WASF3: variants seen among roughly 807,000 people sequenced by gnomAD.
The protein encoded by WASF3 is WASP family member 3, also known as actin-binding protein WASF3.
In WASF3, 11 loss-of-function variants were observed where a neutral mutation model predicts 46.6. The observed-to-expected ratio is 0.24, with a 90% CI of 0.15 to 0.39. The LOEUF is 0.39. Among genes scored for constraint, WASF3 ranks in the 10% least tolerant of loss-of-function variants. WASF3 has a pLI of 1.00. For missense variants in WASF3, 576 were observed against 669.8 expected, an observed-to-expected ratio of 0.86 and a Z score of 1.55; for synonymous variants, 242 against 259.7, an observed-to-expected ratio of 0.93 and a Z score of 0.65.
At chr13:26,632,226 G>A (rs1249644435) in intron 2 of WASF3, among the ~76,000 whole-genome samples, 1 of 152,230 alleles carries the variant, frequency 6.6e-6, no homozygotes, top group East Asian at 1.9e-4. Flanking sequence ...AGCATGGTGA[G>A]AGAGGGCATC....
rs138554713 is a variant in WASF3 at position 26,682,666 on chromosome 13, C to A, written c.1043C>A (p.Pro348His). 6.2e-7 allele frequency: 1 copy of A among 1,614,162 alleles called. No individual in the cohort carries two copies. The highest frequency in any genetic ancestry group is 1.1e-5 in the South Asian group (1 of 91,082). ...YNPSGPPPPP[P>H]PPVIPSAQTA... is the part of the protein sequence containing the mutation. ...CCATCCGGACCACCTCCTCCGCCAC[C>A]TCCTCCTGTGATTCCCTCAGCACAA... The change falls in exon 9 of 10, where the codon CCT (proline) becomes CAT (histidine). Residue 348 changes from proline to histidine, a missense_variant. By Grantham distance (77) the Pro-to-His change is moderately conservative (BLOSUM62 -2). This residue lies in a region of WASF3 where 295 missense variants were observed against 291.5 expected (regional missense o/e 1.01). Coordinates refer to ENST00000335327, the MANE Select transcript of WASF3 (RefSeq NM_006646.6). This position sits in a 1 kb window ranked among gnomAD's most constrained non-coding sequence, Gnocchi z 4.4.
intron 1 of WASF3, among the ~76,000 whole-genome samples, chr13:26,568,718 T>C (rs1027892302): frequency 4.6e-5 from 7 of 152,174 alleles, no homozygotes; most frequent in African/African-American, 7.2e-5. Flanking sequence ...CCACAGGAAC[T>C]GAAGGGTGAA....
chr13:26,682,588 T>C lies in WASF3; in HGVS notation c.984-19T>C, dbSNP rs764417925. 6.2e-7 allele frequency: 1 copy of C among 1,613,996 alleles called. No individual in the cohort carries two copies. The highest frequency in any genetic ancestry group is 1.1e-5 in the South Asian group (1 of 91,058). On this transcript the variant is annotated intron_variant, in intron 8 of 9. Coordinates refer to ENST00000335327, the MANE Select transcript of WASF3 (RefSeq NM_006646.6). This position sits in a 1 kb window ranked among gnomAD's most constrained non-coding sequence, Gnocchi z 4.4. ...CTCTCTTGTTCCCTTGGTGACTATG[T>C]GCCTCATATCTCTCTCAGGATGCTC...
intron 3 of WASF3, among the ~76,000 whole-genome samples, chr13:26,653,613 C>T (rs780387648): frequency 3.3e-4 from 50 of 152,160 alleles, no homozygotes; most frequent in African/African-American, 5.5e-4. Context: ...CACAGTGGTC[C>T]GCCACCTCAC....
At chr13:26,683,996 C>G (rs1319336955) in intron 9 of WASF3, among the ~76,000 whole-genome samples, 3 of 152,178 alleles carry the variant, frequency 2.0e-5, no homozygotes, top group Non-Finnish European at 4.4e-5. Flanking sequence ...GTCATCTCAT[C>G]TGGAAGTGAC....
chr13:26,645,656 G>A (rs563529612), intron 3 of WASF3, among the ~76,000 whole-genome samples: 2 of 151,890 alleles, frequency 1.3e-5, no homozygotes, highest in South Asian at 2.1e-4. Context: ...TTTTACACAC[G>A]TTGTCTGGCA....
chr13:26,661,107 G>A (rs1007416238), intron 3 of WASF3, among the ~76,000 whole-genome samples: 5 of 152,188 alleles, frequency 3.3e-5, no homozygotes, highest in African/African-American at 1.2e-4. Flanking sequence ...ATTCTATCAT[G>A]TCCCACCTCC....
intron 3 of WASF3, among the ~76,000 whole-genome samples, chr13:26,654,633 T>A (rs946553509): frequency 1.3e-5 from 2 of 152,254 alleles, no homozygotes; most frequent in African/African-American, 4.8e-5. Flanking sequence ...TCTAAGTTCT[T>A]AAAATGCTTA....
intron 9 of WASF3, among the ~76,000 whole-genome samples, chr13:26,683,959 G>C (rs7328406): frequency 0.048 from 7,249 of 152,264 alleles, 420 homozygotes; most frequent in African/African-American, 0.14. Flanking sequence ...CGCCTGTGGG[G>C]AGCTGCACAG....
At chr13:26,586,374 A>G (rs942425412) in intron 1 of WASF3, among the ~76,000 whole-genome samples, 2 of 152,170 alleles carry the variant, frequency 1.3e-5, no homozygotes, top group Admixed American at 6.5e-5. Flanking sequence ...TCCAGTTGTT[A>G]TAATAGCATT....
At chr13:26,606,155 A>G (rs1880789181) in intron 1 of WASF3, among the ~76,000 whole-genome samples, 1 of 152,078 alleles carries the variant, frequency 6.6e-6, no homozygotes, top group Non-Finnish European at 1.5e-5. Context: ...TTTAATTCTC[A>G]CAGTCTAATT....
Position 26,681,086 on chromosome 13 carries a change from AC to A in WASF3, c.752del (p.Pro251ArgfsTer13). On this transcript the variant is annotated frameshift_variant, in exon 8 of 10. Transcript: ENST00000335327. LOFTEE classifies it high-confidence loss of function. ...SHASDVTDYSYPATPNHSLHP... is the reference protein window; with the variant it reads ...SHASDVTDYSXPATPNHSLHP... ...GCATCGGACGTTACGGATTACTCTT[AC>A]CCGGCTACTCCCAACCATTCTCTGC... The A allele has an allele frequency of 6.2e-7, 1 of 1,613,980 alleles. No individual in the cohort carries two copies. Among genetic ancestry groups the A allele is most frequent in the Non-Finnish European group, 8.5e-7 (1 of 1,179,966 alleles).
intron 5 of WASF3, among the ~76,000 whole-genome samples, chr13:26,671,079 A>C (rs938220525): frequency 6.6e-5 from 10 of 152,210 alleles, no homozygotes; most frequent in African/African-American, 2.2e-4. Flanking sequence ...CTCCTTTTGA[A>C]GGTAGTCTTC....
intron 1 of WASF3, among the ~76,000 whole-genome samples, chr13:26,565,648 T>A (rs73484931): frequency 0.036 from 5,433 of 152,224 alleles, 340 homozygotes; most frequent in African/African-American, 0.12. Flanking sequence ...AACACCTGTC[T>A]TGAGATTTTA....
At chr13:26,676,255 T>A (rs1883065435) in intron 6 of WASF3, among the ~76,000 whole-genome samples, 1 of 152,214 alleles carries the variant, frequency 6.6e-6, no homozygotes, top group South Asian at 2.1e-4. Context: ...CTTGTTTAGG[T>A]TTAAAACAAG....
intron 1 of WASF3, among the ~76,000 whole-genome samples, chr13:26,608,029 G>A (rs1880854401): frequency 6.6e-6 from 1 of 151,748 alleles, no homozygotes; most frequent in African/African-American, 2.4e-5. Context: ...CCGAAATAAT[G>A]TACCCCTCCC....
intron 1 of WASF3, among the ~76,000 whole-genome samples, chr13:26,565,370 CA>C (rs1555246852): frequency 6.6e-6 from 1 of 151,984 alleles, no homozygotes; most frequent in Non-Finnish European, 1.5e-5. Context: ...GGCTGTTGCA[CA>C]GCTTAGAATG....
intron 2 of WASF3, among the ~76,000 whole-genome samples, chr13:26,618,438 C>A (rs957307865): frequency 2.6e-5 from 4 of 152,026 alleles, no homozygotes; most frequent in African/African-American, 9.7e-5. Flanking sequence ...TGAGACATTT[C>A]CTTCTCTGAC....
chr13:26,618,506 C>A (rs1881209903), intron 2 of WASF3, among the ~76,000 whole-genome samples: 1 of 147,852 alleles, frequency 6.8e-6, no homozygotes, highest in Non-Finnish European at 1.5e-5. Flanking sequence ...GCCCCCCCGT[C>A]TCTTTCATAC....
Sources: allele counts gnomAD v4.1 joint callset (sites outside exome capture counted in the v4.1 genomes callset), GRCh38; gene constraint gnomAD v4.1.1; regional missense constraint gnomAD v4.1.1; non-coding constraint Gnocchi (gnomAD v3.1); transcripts MANE v1.5; gene names NCBI Gene and HGNC (gene_info 2026-07-23, HGNC 2026-07-21).